Variants in LRBA observed in about 807,000 individuals in gnomAD.
The protein encoded by LRBA is lipopolysaccharide-responsive and beige-like anchor protein.
A neutral mutation model predicts 330.0 loss-of-function variants in LRBA; 176 were observed. That is an observed-to-expected ratio of 0.53 (90% CI 0.47 to 0.60). The LOEUF is 0.60. Ranked by LOEUF, LRBA falls within the 20% of genes least tolerant of loss-of-function variation. The pLI, the probability that LRBA is intolerant of heterozygous loss-of-function variation, is 0.00. For missense variants in LRBA, 3,259 were observed against 3,444.8 expected, an observed-to-expected ratio of 0.95 and a Z score of 1.35; for synonymous variants, 1,230 against 1,193.0, an observed-to-expected ratio of 1.03 and a Z score of -0.64.
intron 47 of LRBA, among the ~76,000 whole-genome samples, chr4:150,413,887 G>A (rs1198083106): frequency 6.6e-6 from 1 of 152,030 alleles, no homozygotes; most frequent in Non-Finnish European, 1.5e-5. Flanking sequence ...AACCACACAC[G>A]ACCATAGACA....
At chr4:150,655,937 C>A (rs961378052) in intron 37 of LRBA, among the ~76,000 whole-genome samples, 5 of 152,138 alleles carry the variant, frequency 3.3e-5, no homozygotes, top group Admixed American at 1.3e-4. Flanking sequence ...ACTGCCCCTC[C>A]TAAAACATCT....
At chr4:150,691,916 A>C (rs1784174228) in intron 36 of LRBA, among the ~76,000 whole-genome samples, 1 of 152,172 alleles carries the variant, frequency 6.6e-6, no homozygotes, top group African/African-American at 2.4e-5. Flanking sequence ...GCTGACCAAA[A>C]TAATCCAGAG....
intron 44 of LRBA, among the ~76,000 whole-genome samples, chr4:150,467,067 TACAA>T (rs1755533762): frequency 1.3e-5 from 2 of 152,134 alleles, no homozygotes; most frequent in South Asian, 4.1e-4. Flanking sequence ...TATCAAAGAC[TACAA>T]ACAGTGTCAA....
At chr4:151,013,511 A>C (rs886839696) in intron 2 of LRBA, 1 of 152,208 alleles carries the variant, frequency 6.6e-6, no homozygotes, top group Non-Finnish European at 1.5e-5. Flanking sequence ...TAAATAAATA[A>C]GTTAATGAAT....
chr4:150,599,215 T>C, intron 37 of LRBA, 84 bp from the exon 38 acceptor site: 1 of 1,468,568 alleles, frequency 6.8e-7, no homozygotes, highest in Non-Finnish European at 9.3e-7. Context: ...GCTCTCCTTG[T>C]TTGCTCTGCC....
intron 56 of LRBA, among the ~76,000 whole-genome samples, chr4:150,266,472 G>C (rs1327577890): frequency 6.6e-6 from 1 of 152,186 alleles, no homozygotes; most frequent in Admixed American, 6.5e-5. Flanking sequence ...CAGGGAAAGA[G>C]ATGGAGAACA....
In LRBA at chr4:150,350,805, C is replaced by T. The variant is rs146926202; in HGVS notation, c.7195-646G>A. Among the ~76,000 whole-genome samples, 1,419 of 152,126 alleles carry T rather than the reference C, an allele frequency of 9.3e-3. 13 individuals carry two copies. The highest frequency in any genetic ancestry group is 0.032 in the African/African-American group (1,338 of 41,492). On this transcript the variant is annotated intron_variant, in intron 47 of 56. Coordinates refer to ENST00000651943, the MANE Select transcript of LRBA (RefSeq NM_001364905.1). ...GATTTATGCTTCAAAGAAAGGAAGC[C>T]ATACAAGGCAAAGACTATTTTGGGA...
intron 37 of LRBA, among the ~76,000 whole-genome samples, chr4:150,675,101 G>A (rs1467657862): frequency 6.6e-6 from 1 of 152,080 alleles, no homozygotes; most frequent in Non-Finnish European, 1.5e-5. Context: ...CAGGGAGGCT[G>A]AGTTAAAAGG....
chr4:150,327,574 A>C (rs1414214671), intron 48 of LRBA, among the ~76,000 whole-genome samples: 1 of 152,222 alleles, frequency 6.6e-6, no homozygotes, highest in East Asian at 1.9e-4. Context: ...CTATCATGTC[A>C]GATGGCTCAG....
chr4:150,299,982 G>C (rs1729450406), intron 53 of LRBA, among the ~76,000 whole-genome samples: 1 of 152,022 alleles, frequency 6.6e-6, no homozygotes, highest in African/African-American at 2.4e-5. Flanking sequence ...TCTGACTTCA[G>C]CAGCTGCATT....
At chr4:150,422,313 C>T (rs1748928741) in intron 46 of LRBA, among the ~76,000 whole-genome samples, 1 of 152,128 alleles carries the variant, frequency 6.6e-6, no homozygotes, top group African/African-American at 2.4e-5. Flanking sequence ...GTTGGGAGCA[C>T]AACTGTTTCC....
At chr4:150,598,648 T>C (rs184808836) in intron 38 of LRBA, among the ~76,000 whole-genome samples, 1 of 152,142 alleles carries the variant, frequency 6.6e-6, no homozygotes, top group Non-Finnish European at 1.5e-5. Flanking sequence ...TAGAAACTTA[T>C]CTGGTTTGTA....
At chr4:150,534,409 A>T (rs1025534929) in intron 40 of LRBA, among the ~76,000 whole-genome samples, 1 of 150,672 alleles carries the variant, frequency 6.6e-6, no homozygotes, top group African/African-American at 2.4e-5. Flanking sequence ...TTAGTACATC[A>T]TCCAGTATTC....
intron 40 of LRBA, among the ~76,000 whole-genome samples, chr4:150,550,568 T>C (rs1016245546): frequency 6.6e-6 from 1 of 152,228 alleles, no homozygotes; most frequent in Non-Finnish European, 1.5e-5. Context: ...TCTCAGTCAC[T>C]GGTATGTAAA....
chr4:150,906,058 T>C, intron 12 of LRBA, 68 bp from the exon 13 acceptor site: 1 of 1,395,132 alleles, frequency 7.2e-7, no homozygotes, highest in Admixed American at 1.9e-5. Context: ...AGGCTGTCCC[T>C]ACCAGGAAAA....
chr4:150,588,195 G>C lies in LRBA; in HGVS notation c.6194-11C>G. 1 of 1,563,484 alleles carries C rather than the reference G, an allele frequency of 6.4e-7. No homozygotes were observed. Among genetic ancestry groups the C allele is most frequent in the Non-Finnish European group, 8.6e-7 (1 of 1,161,688 alleles). On this transcript the variant is annotated splice_polypyrimidine_tract_variant and intron_variant, in intron 39 of 56. Transcript: ENST00000651943. Reference sequence around the variant, plus strand: ...TCAGGCTAACAGGACCTGCCAAAAGGAAAAGACAAGCCACACAAGTTGGAA... The same window carrying C: ...TCAGGCTAACAGGACCTGCCAAAAGCAAAAGACAAGCCACACAAGTTGGAA...
rs1761968808 is a variant in LRBA at position 150,512,800 on chromosome 4, A to T, written c.6331-21765T>A. On this transcript the variant is annotated intron_variant, in intron 40 of 56. Transcript: ENST00000651943. ...ACCTAAAAGAAACATGTTTCTGAAC[A>T]CCTTCACCTCCCCCCAAAAAAGGGA... Among the ~76,000 whole-genome samples the T allele has an allele frequency of 2.6e-5, 4 of 151,816 alleles. No homozygotes were observed. The South Asian group carries it at 8.3e-4, about 32-fold the overall frequency.
At chr4:150,576,486 C>T (rs981798138) in intron 40 of LRBA, among the ~76,000 whole-genome samples, 1 of 151,894 alleles carries the variant, frequency 6.6e-6, no homozygotes, top group Admixed American at 6.6e-5. Flanking sequence ...GCATTTACTT[C>T]TTAGTCAGGC....
intron 47 of LRBA, among the ~76,000 whole-genome samples, chr4:150,371,549 T>G (rs549209152): frequency 6.6e-6 from 1 of 152,144 alleles, no homozygotes; most frequent in Non-Finnish European, 1.5e-5. Flanking sequence ...ACTCTGGCTG[T>G]GTCCTGTGGG....
Sources: gnomAD v4.1 joint callset for allele counts (sites outside exome capture counted in the v4.1 genomes callset) on GRCh38, gnomAD v4.1.1 for gene constraint, MANE v1.5 for transcripts, NCBI Gene and HGNC (gene_info 2026-07-23, HGNC 2026-07-21) for gene names.